Variants in PPP1R12B observed in about 807,000 individuals in gnomAD.
PPP1R12B encodes the protein protein phosphatase 1 regulatory subunit 12B.
PPP1R12B carries 76 observed loss-of-function variants against 126.1 expected under a neutral mutation model. That is an observed-to-expected ratio of 0.60 (90% CI 0.50 to 0.73). The LOEUF (loss-of-function observed/expected upper bound fraction) is 0.73, where lower values mean the gene tolerates loss of function less well. PPP1R12B is among the 30% of genes least tolerant of loss of function. The pLI is 0.00. For missense variants in PPP1R12B, 1,052 were observed against 1,205.1 expected (o/e 0.87, Z 1.88); for synonymous variants, 356 against 434.7 (o/e 0.82, Z 2.25).
chr1:202,536,214 C>T (rs1359715083), intron 18 of PPP1R12B, among the ~76,000 whole-genome samples: 1 of 152,116 alleles, frequency 6.6e-6, no homozygotes, highest in Non-Finnish European at 1.5e-5. Context: ...TAGGCAATTT[C>T]GTCCCTGAGC....
chr1:202,524,577 C>G (rs1572386345), intron 18 of PPP1R12B, among the ~76,000 whole-genome samples: 1 of 152,190 alleles, frequency 6.6e-6, no homozygotes, highest in South Asian at 2.1e-4. Context: ...TTTTCGTCCT[C>G]ATAGCTTAGC....
intron 3 of PPP1R12B, 66 bp downstream of exon 3, chr1:202,422,804 C>A (rs1668978961): frequency 6.2e-7 from 1 of 1,603,750 alleles, no homozygotes; most frequent in Non-Finnish European, 8.5e-7. Context: ...GAAAATAATC[C>A]ATTTGCTGTG....
At chr1:202,554,996 C>T (rs370360672) in intron 18 of PPP1R12B, among the ~76,000 whole-genome samples, 1 of 152,006 alleles carries the variant, frequency 6.6e-6, no homozygotes. Context: ...CTCGAAAACC[C>T]TATGGAATCT....
At chr1:202,551,606 A>C (rs981433035) in intron 18 of PPP1R12B, among the ~76,000 whole-genome samples, 1 of 152,122 alleles carries the variant, frequency 6.6e-6, no homozygotes, top group Non-Finnish European at 1.5e-5. Flanking sequence ...GATCTGTAGA[A>C]CCCACGTATA....
chr1:202,448,083 G>C (rs954886433), intron 12 of PPP1R12B, among the ~76,000 whole-genome samples: 12 of 151,700 alleles, frequency 7.9e-5, no homozygotes, highest in Admixed American at 3.9e-4. Flanking sequence ...AGAGCTACCC[G>C]TGAACATTTC....
intron 23 of PPP1R12B, chr1:202,576,847 A>G (rs1689140413): frequency 6.6e-6 from 1 of 151,784 alleles, no homozygotes; most frequent in Non-Finnish European, 1.5e-5. Flanking sequence ...ACTGAGTCAC[A>G]GATTAAATAA....
At chr1:202,564,609 A>T in intron 21 of PPP1R12B, 62 bp downstream of exon 21, 1 of 1,349,104 alleles carries the variant, frequency 7.4e-7, no homozygotes. Context: ...AGCAAACTAG[A>T]CTAGGGATCT....
chr1:202,452,042 C>A (rs1673029132), intron 13 of PPP1R12B, among the ~76,000 whole-genome samples: 1 of 151,462 alleles, frequency 6.6e-6, no homozygotes, highest in Admixed American at 6.6e-5. Flanking sequence ...CGCGGCCGGG[C>A]AGAGGCGCTC....
At chr1:202,380,946 T>A (rs1431055371) in intron 1 of PPP1R12B, among the ~76,000 whole-genome samples, 3 of 152,206 alleles carry the variant, frequency 2.0e-5, no homozygotes. Context: ...GTGCTAGAAT[T>A]TATAAAGCAA....
chr1:202,394,683 G>A (rs373228566), intron 1 of PPP1R12B, among the ~76,000 whole-genome samples: 6 of 152,096 alleles, frequency 3.9e-5, no homozygotes, highest in East Asian at 3.9e-4. Flanking sequence ...GAACCCATGA[G>A]GCGGACGTTG....
chr1:202,437,714 C>T, intron 9 of PPP1R12B, 107 bp from the exon 10 acceptor site: 1 of 988,214 alleles, frequency 1.0e-6, no homozygotes, highest in African/African-American at 1.6e-5. Flanking sequence ...TTCTTAGCTA[C>T]CTTATGTTGC....
chr1:202,470,730 C>G (rs1296533772), intron 13 of PPP1R12B, among the ~76,000 whole-genome samples: 1 of 151,764 alleles, frequency 6.6e-6, no homozygotes, highest in Non-Finnish European at 1.5e-5. Context: ...CTCATCTCTA[C>G]AGAGAATTAT....
chr1:202,472,121 C>T, intron 13 of PPP1R12B: 1 of 1,499,708 alleles, frequency 6.7e-7, no homozygotes, highest in Middle Eastern at 2.2e-4. Context: ...GAGGCATGTT[C>T]TCATGTGCGT....
At chr1:202,397,452 T>C (rs1483893469) in intron 1 of PPP1R12B, among the ~76,000 whole-genome samples, 2 of 152,236 alleles carry the variant, frequency 1.3e-5, no homozygotes, top group Non-Finnish European at 2.9e-5. Flanking sequence ...CTTTTCACAC[T>C]ACTCTCTTGC....
intron 1 of PPP1R12B, among the ~76,000 whole-genome samples, chr1:202,360,889 G>A (rs1658061561): frequency 9.6e-6 from 1 of 104,272 alleles, no homozygotes; most frequent in South Asian, 4.1e-4. Flanking sequence ...TTTACCATTA[G>A]CTCTTTTTTT....
intron 1 of PPP1R12B, among the ~76,000 whole-genome samples, chr1:202,403,305 C>G (rs1350563302): frequency 1.3e-5 from 2 of 152,006 alleles, no homozygotes; most frequent in African/African-American, 4.8e-5. Flanking sequence ...TTTTTGTGTG[C>G]AAAAAATCTT....
intron 1 of PPP1R12B, among the ~76,000 whole-genome samples, chr1:202,351,435 C>T (rs762805992): frequency 1.3e-5 from 2 of 152,086 alleles, no homozygotes; most frequent in Non-Finnish European, 2.9e-5. Context: ...GATGGGGTTT[C>T]GCCATGTTGG....
chr1:202,410,949 A>G (rs1667299813), intron 1 of PPP1R12B, among the ~76,000 whole-genome samples: 1 of 152,230 alleles, frequency 6.6e-6, no homozygotes, highest in Non-Finnish European at 1.5e-5. Flanking sequence ...TTTCCCCATT[A>G]TCATGAGTGA....
At chr1:202,422,782 CT>C in intron 3 of PPP1R12B, 44 bp downstream of exon 3, 1 of 1,610,692 alleles carries the variant, frequency 6.2e-7, no homozygotes, top group Non-Finnish European at 8.5e-7. Flanking sequence ...TTCTCAAACA[CT>C]GCCATTTACA....
Sources: allele counts gnomAD v4.1 joint callset (sites outside exome capture counted in the v4.1 genomes callset), GRCh38; gene constraint gnomAD v4.1.1; transcripts MANE v1.5; gene names NCBI Gene and HGNC (gene_info 2026-07-23, HGNC 2026-07-21).